The following STX1B variants were observed in gnomAD, a reference collection of about 807,000 sequenced individuals.
STX1B encodes syntaxin-1B.
A neutral mutation model predicts 39.4 loss-of-function variants in STX1B; 7 were observed. That is an observed-to-expected ratio of 0.18 (90% confidence interval 0.10 to 0.33). The LOEUF is 0.33. STX1B is among the 10% of genes least tolerant of loss of function. STX1B has a pLI of 1.00. For synonymous variants in STX1B, 136 were observed against 144.1 expected (o/e 0.94, Z 0.40); for missense variants, 198 against 383.2 (o/e 0.52, Z 4.04).
At position 30,990,190 on chromosome 16, in the gene STX1B, G is replaced by C. The variant is rs1210124404; in HGVS notation, c.*2631C>G. 1 of 152,310 alleles carries C rather than the reference G, an allele frequency of 6.6e-6. No homozygotes were observed. Among genetic ancestry groups the C allele is most frequent in the African/African-American group, 2.4e-5 (1 of 41,444 alleles). The allele number at this position is 152,310 out of a possible 1,614,324, so 9.4% of individuals were successfully genotyped here. A position where few individuals can be genotyped will look rare whatever the true frequency, so the allele number is the denominator to read the frequency against. ...ACCCTTCTCCTGTGGCCCCAAGGCC[G>C]TGGGACTTCCGGAAACACCTGGGCT... On this transcript the variant is annotated 3_prime_UTR_variant, in exon 10 of 10. Transcript: ENST00000215095.
Position 30,993,118 on chromosome 16 carries a change from T to A in STX1B, c.786+12A>T. ...CTCCCCCGCCTACCCCCAGGCCGCC[T>A]GCCCCGCTCACCCTCCGGGCCTTGC... On this transcript the variant is annotated intron_variant, in intron 9 of 9. Coordinates refer to ENST00000215095, the MANE Select transcript of STX1B (RefSeq NM_052874.5). 6.2e-7 allele frequency: 1 copy of A among 1,613,198 alleles called. No individual in the cohort carries two copies.
chr16:30,994,588 GA>G (rs563043482), intron 7 of STX1B, among the ~76,000 whole-genome samples: 223 of 127,784 alleles, frequency 1.7e-3, no homozygotes, highest in Middle Eastern at 3.7e-3. Context: ...AGACCATGCT[GA>G]AAAAAAAAAA....
At chr16:31,006,886 G>A (rs1395632227) in intron 1 of STX1B, among the ~76,000 whole-genome samples, 3 of 152,148 alleles carry the variant, frequency 2.0e-5, no homozygotes, top group South Asian at 2.1e-4. Context: ...AGGGCGTGGC[G>A]GGAGGATCAT....
rs764669888 is a variant in STX1B at position 30,997,522 on chromosome 16, G to T, written c.334C>A (p.Leu112Met). The T allele has an allele frequency of 4.3e-6, 7 of 1,609,328 alleles. No homozygotes were observed. The highest frequency in any genetic ancestry group is 5.1e-6 in the Non-Finnish European group (6 of 1,178,482). ...EEGLNRSSADLRIRKTQHSTL... is the reference protein window; with the variant it reads ...EEGLNRSSADMRIRKTQHSTL... ...CCTACCTGGGTCTTGCGGATGCGCAGGTCCGCGGAGGAACGGTTCAGCCCC... is the reference window on the plus strand; with the variant it reads ...CCTACCTGGGTCTTGCGGATGCGCATGTCCGCGGAGGAACGGTTCAGCCCC... Residue 112 changes from leucine to methionine, a missense_variant, in exon 5 of 10, where the codon CTG (leucine) becomes ATG (methionine). Coordinates refer to ENST00000215095, the MANE Select transcript of STX1B (RefSeq NM_052874.5).
At chr16:31,006,144 C>A (rs1033828009) in intron 1 of STX1B, among the ~76,000 whole-genome samples, 4 of 152,034 alleles carry the variant, frequency 2.6e-5, no homozygotes, top group Non-Finnish European at 5.9e-5. Context: ...CATATGCGTG[C>A]CCCAGCACTG....
rs900832613 is a variant in STX1B, at chr16:31,001,396, G to A, written c.105+133C>T. 12 of 825,496 alleles carry A rather than the reference G, an allele frequency of 1.5e-5. No individual in the cohort carries two copies. The highest frequency in any genetic ancestry group is 3.4e-5 in the African/African-American group (2 of 58,492). 51.1% of individuals were successfully genotyped at this position (825,496 alleles called of 1,614,324 possible). Reference sequence around the variant, plus strand: ...CTGGGTGCCGGGGCTGCGGCTGGGCGGTGGGACTAGGGGCTGGGGCTGGGT... The same window carrying A: ...CTGGGTGCCGGGGCTGCGGCTGGGCAGTGGGACTAGGGGCTGGGGCTGGGT... On this transcript the variant is annotated intron_variant, in intron 2 of 9. Transcript: ENST00000215095. This position sits in a 1 kb window ranked among gnomAD's most constrained non-coding sequence, Gnocchi z 5.5.
At position 30,993,210 on chromosome 16, in the gene STX1B, C is replaced by T. The variant is rs779497697; in HGVS notation, c.706G>A (p.Val236Met). Residue 236 changes from valine (V) to methionine (M), a missense_variant, in exon 9 of 10, where the codon GTG becomes ATG. Val to Met is a conservative substitution (Grantham distance 21). Transcript: ENST00000215095. Reference sequence around the variant, plus strand: ...TCCACGTAGTCCACAGAATGTTCCACGTTGTACTCGATGCGGTCAATCATC... The same window carrying T: ...TCCACGTAGTCCACAGAATGTTCCATGTTGTACTCGATGCGGTCAATCATC... ...GEMIDRIEYNVEHSVDYVERA... is the reference protein window; with the variant it reads ...GEMIDRIEYNMEHSVDYVERA... 1.9e-6 allele frequency: 3 copies of T among 1,614,192 alleles called. No homozygotes were observed.
At chr16:30,996,213 A>C (rs2056591073) in intron 7 of STX1B, 1 of 152,502 alleles carries the variant, frequency 6.6e-6, no homozygotes, top group Non-Finnish European at 1.5e-5. Flanking sequence ...TTTTAATTAA[A>C]AAAAATTTCT....
intron 1 of STX1B, among the ~76,000 whole-genome samples, chr16:31,008,371 G>C (rs935088008): frequency 1.3e-5 from 2 of 151,702 alleles, no homozygotes; most frequent in Admixed American, 1.3e-4. Flanking sequence ...TCTGAGCAGG[G>C]GCCCCTGACT....
intron 1 of STX1B, among the ~76,000 whole-genome samples, chr16:31,002,630 G>C (rs1057047082): frequency 2.0e-5 from 3 of 152,192 alleles, no homozygotes; most frequent in African/African-American, 7.2e-5. Flanking sequence ...CTGGACAGGA[G>C]AGGCTGTAGG....
At position 30,996,667 on chromosome 16, in the gene STX1B, C is replaced by G. The variant is rs879456666; in HGVS notation, c.537+16G>C. On this transcript the variant is annotated intron_variant, in intron 7 of 9. Coordinates refer to ENST00000215095, the MANE Select transcript of STX1B (RefSeq NM_052874.5). ...AAAATTTTCCAAAAGCAGAGCCCGC[C>G]CCACCCGCGGCTCACGTCATCTGTG... 7.4e-6 allele frequency: 12 copies of G among 1,612,074 alleles called. No homozygotes were observed. Among genetic ancestry groups the G allele is most frequent in the Non-Finnish European group, 1.0e-5 (12 of 1,178,608 alleles).
intron 4 of STX1B, 89 bp from the exon 5 acceptor site, chr16:30,997,664 C>T (rs1355091427): frequency 7.9e-7 from 1 of 1,270,168 alleles, no homozygotes; most frequent in South Asian, 1.3e-5. Flanking sequence ...CACCCCGCGG[C>T]AGCGCCAGGC....
At chr16:30,994,822 G>C (rs528004629) in intron 7 of STX1B, among the ~76,000 whole-genome samples, 1 of 146,352 alleles carries the variant, frequency 6.8e-6, no homozygotes, top group African/African-American at 2.5e-5. Context: ...CTCATCTCCT[G>C]CTCATCCTAT....
intron 9 of STX1B, 84 bp from the exon 10 acceptor site, chr16:30,992,985 T>C: frequency 7.3e-7 from 1 of 1,368,794 alleles, no homozygotes; most frequent in East Asian, 2.3e-5. Flanking sequence ...GGGCAGAGGG[T>C]GGCAGGGAGA....
Position 31,005,111 on chromosome 16 carries a change from T to A in STX1B, c.31-3508A>T, listed in dbSNP as rs77890232. 2.6e-5 allele frequency among the ~76,000 whole-genome samples: 4 copies of A among 152,266 alleles called. No homozygotes were observed. The Middle Eastern group carries it at 0.01, about 388-fold the overall frequency. ...CTTGCTGTGTGACCCCAGGCAAACT[T>A]AGACTCCTCCCTGGGCCCCAGTTCC... On this transcript the variant is annotated intron_variant, in intron 1 of 9. Transcript: ENST00000215095.
chr16:31,002,747 G>C (rs1029857220), intron 1 of STX1B, among the ~76,000 whole-genome samples: 2 of 152,160 alleles, frequency 1.3e-5, no homozygotes, highest in African/African-American at 4.8e-5. Flanking sequence ...GCCCTGATCA[G>C]CCCCAGTGGA....
At chr16:30,999,457 A>C (rs11150603) in intron 4 of STX1B, among the ~76,000 whole-genome samples, 275 of 152,362 alleles carry the variant, frequency 1.8e-3, no homozygotes, top group Middle Eastern at 3.4e-3. Context: ...TACCAGGAGC[A>C]TGCAAAACAG....
intron 1 of STX1B, among the ~76,000 whole-genome samples, chr16:31,002,978 T>G (rs909054859): frequency 6.6e-6 from 1 of 152,036 alleles, no homozygotes; most frequent in Admixed American, 6.5e-5. Flanking sequence ...TAGCCGAGGC[T>G]CACACGGATC....
At chr16:30,998,123 A>G (rs1253430630) in intron 4 of STX1B, among the ~76,000 whole-genome samples, 1 of 152,216 alleles carries the variant, frequency 6.6e-6, no homozygotes, top group Non-Finnish European at 1.5e-5. Flanking sequence ...CCTGCCCTGT[A>G]AGGTGATCCC....
Sources: allele counts gnomAD v4.1 joint callset (sites outside exome capture counted in the v4.1 genomes callset), GRCh38; gene constraint gnomAD v4.1.1; non-coding constraint Gnocchi (gnomAD v3.1); transcripts MANE v1.5; gene names NCBI Gene and HGNC (gene_info 2026-07-23, HGNC 2026-07-21).